The following CADPS variants were observed in gnomAD, a reference collection of about 807,000 sequenced individuals.
CADPS encodes calcium-dependent secretion activator 1.
In CADPS, 57 loss-of-function variants were observed where a neutral mutation model predicts 167.3. The observed-to-expected ratio is 0.34, with a 90% CI of 0.28 to 0.42. The LOEUF (loss-of-function observed/expected upper bound fraction) is 0.42. Ranked by LOEUF, CADPS falls within the 20% of genes least tolerant of loss-of-function variation. The pLI is 1.00. For synonymous variants in CADPS, 676 were observed against 635.3 expected, an observed-to-expected ratio of 1.06 and a Z score of -0.96; for missense variants, 1,414 against 1,738.1, an observed-to-expected ratio of 0.81 and a Z score of 3.32.
chr3:62,606,554 G>A (rs772448810), intron 6 of CADPS, among the ~76,000 whole-genome samples: 3 of 152,140 alleles, frequency 2.0e-5, no homozygotes, highest in East Asian at 1.9e-4. Context: ...CTCCATGACT[G>A]TAAGAAATAA....
At chr3:62,847,399 G>C (rs1289645751) in intron 1 of CADPS, among the ~76,000 whole-genome samples, 4 of 85,508 alleles carry the variant, frequency 4.7e-5, no homozygotes, top group African/African-American at 1.0e-4. Flanking sequence ...TCTAGCATTA[G>C]GTATATCTCC....
chr3:62,753,353 T>C lies in CADPS; in HGVS notation c.888+88A>G. 1 of 1,016,340 alleles carries C rather than the reference T, an allele frequency of 9.8e-7. No homozygotes were observed. Among genetic ancestry groups the C allele is most frequent in the Non-Finnish European group, 1.5e-6 (1 of 686,424 alleles). 63.0% of individuals were successfully genotyped at this position (1,016,340 alleles called of 1,614,324 possible). On this transcript the variant is annotated intron_variant, in intron 3 of 29. Transcript: ENST00000383710. The surrounding 1 kb of genome is among the most constrained non-coding windows in gnomAD (Gnocchi z 4.6). ...TAATAAAATATAAGTTTTAATCCTT[T>C]TTTTAAAAAAATCAAGAAGTATCTC...
chr3:62,733,357 G>A (rs1386022626), intron 3 of CADPS, among the ~76,000 whole-genome samples: 1 of 152,094 alleles, frequency 6.6e-6, no homozygotes, highest in Non-Finnish European at 1.5e-5. Flanking sequence ...GAAGAAACTT[G>A]CCTGAGAGAT....
intron 24 of CADPS, among the ~76,000 whole-genome samples, chr3:62,467,636 T>C (rs2060097590): frequency 6.6e-6 from 1 of 152,120 alleles, no homozygotes; most frequent in Admixed American, 6.5e-5. Context: ...AGTTTCCTTA[T>C]CTGTAAAAAA....
chr3:62,645,885 C>T (rs1392076953), intron 5 of CADPS, 42 bp from the exon 6 acceptor site: 1 of 1,610,424 alleles, frequency 6.2e-7, no homozygotes, highest in East Asian at 2.2e-5. Flanking sequence ...TTGGCAAGGC[C>T]CCTGGCAGCA....
At chr3:62,819,948 A>C (rs2094821330) in intron 1 of CADPS, among the ~76,000 whole-genome samples, 1 of 152,168 alleles carries the variant, frequency 6.6e-6, no homozygotes, top group Non-Finnish European at 1.5e-5. Context: ...CATGAGTATA[A>C]CAGCTTTTCT....
intron 28 of CADPS, among the ~76,000 whole-genome samples, chr3:62,436,897 C>T (rs771044685): frequency 2.0e-5 from 3 of 151,828 alleles, no homozygotes; most frequent in East Asian, 1.9e-4. Context: ...TTTCTACACA[C>T]GAGGAAAGCA....
chr3:62,773,477 G>A (rs1431700470), intron 1 of CADPS, among the ~76,000 whole-genome samples: 1 of 151,998 alleles, frequency 6.6e-6, no homozygotes, highest in African/African-American at 2.4e-5. Context: ...AAGGTGGGGA[G>A]AATTACGATG....
chr3:62,553,536 A>G (rs1182314344), intron 10 of CADPS, among the ~76,000 whole-genome samples: 1 of 152,208 alleles, frequency 6.6e-6, no homozygotes, highest in Non-Finnish European at 1.5e-5. Flanking sequence ...CCAAAGCATG[A>G]ATCCAGGGCT....
intron 28 of CADPS, among the ~76,000 whole-genome samples, chr3:62,418,746 C>A (rs985234134): frequency 6.6e-6 from 1 of 151,958 alleles, no homozygotes; most frequent in African/African-American, 2.4e-5. Context: ...ACTCAAGGTG[C>A]CCAAATATCA....
At position 62,847,297 on chromosome 3, in the gene CADPS, CTTTAAG is replaced by C. The variant is rs2077649540; in HGVS notation, c.441+27286_441+27291del. On this transcript the variant is annotated intron_variant, in intron 1 of 29. Coordinates refer to ENST00000383710, the MANE Select transcript of CADPS (RefSeq NM_003716.4). ...TTTTTTTAACTTTTTTTTTTTTATA[CTTTAAG>C]TTTTAGGGTACATGTGCACATTGTG... Among the ~76,000 whole-genome samples, 7 of 127,646 alleles carry C rather than the reference CTTTAAG, an allele frequency of 5.5e-5. No homozygotes were observed. The Admixed American group carries it at 5.7e-4, about 10-fold the overall frequency. 83.7% of individuals were successfully genotyped at this position (127,646 alleles called of 152,430 possible). A position where few individuals can be genotyped will look rare whatever the true frequency, so the allele number is the denominator to read the frequency against.
intron 3 of CADPS, among the ~76,000 whole-genome samples, chr3:62,681,639 A>C (rs1385368928): frequency 6.6e-6 from 1 of 152,188 alleles, no homozygotes; most frequent in South Asian, 2.1e-4. Context: ...GAAGAATGAA[A>C]TAAATGGTGG....
intron 1 of CADPS, among the ~76,000 whole-genome samples, chr3:62,773,590 C>G (rs1324114734): frequency 6.6e-6 from 1 of 152,080 alleles, no homozygotes; most frequent in Non-Finnish European, 1.5e-5. Context: ...GTATGTCCTC[C>G]CCATGTACTA....
intron 1 of CADPS, among the ~76,000 whole-genome samples, chr3:62,766,237 C>A (rs185121046): frequency 1.6e-4 from 25 of 152,194 alleles, no homozygotes; most frequent in Admixed American, 1.4e-3. Context: ...TCATTGCCTC[C>A]TAGTTATTTT....
At chr3:62,625,482 GGT>G (rs2063900424) in intron 6 of CADPS, 1 of 150,612 alleles carries the variant, frequency 6.6e-6, no homozygotes, top group Non-Finnish European at 1.5e-5. Flanking sequence ...GGGTCACACT[GGT>G]TCAGGAGCTC....
chr3:62,570,980 G>T, intron 8 of CADPS, 42 bp from the exon 9 acceptor site: 1 of 1,246,638 alleles, frequency 8.0e-7, no homozygotes, highest in Non-Finnish European at 1.2e-6. Context: ...TAATGCTTGA[G>T]TGAGTGAATT....
chr3:62,841,971 C>T (rs1048128940), intron 1 of CADPS, among the ~76,000 whole-genome samples: 1 of 152,176 alleles, frequency 6.6e-6, no homozygotes, highest in African/African-American at 2.4e-5. Flanking sequence ...ATTTGTGGAT[C>T]TTAGACACGA....
chr3:62,654,718 G>C (rs1343174054), intron 4 of CADPS, among the ~76,000 whole-genome samples: 1 of 152,118 alleles, frequency 6.6e-6, no homozygotes, highest in Non-Finnish European at 1.5e-5. Context: ...CCTGTATCTT[G>C]CCTCCTCATA....
intron 1 of CADPS, among the ~76,000 whole-genome samples, chr3:62,805,245 C>T (rs957268079): frequency 1.3e-5 from 2 of 152,166 alleles, no homozygotes; most frequent in Non-Finnish European, 2.9e-5. Context: ...ATTGAGAATT[C>T]ATTTGCTAAC....
Sources: allele counts gnomAD v4.1 joint callset (sites outside exome capture counted in the v4.1 genomes callset), GRCh38; gene constraint gnomAD v4.1.1; non-coding constraint Gnocchi (gnomAD v3.1); transcripts MANE v1.5; gene names NCBI Gene and HGNC (gene_info 2026-07-23, HGNC 2026-07-21).